SYN2: variants seen among roughly 807,000 people sequenced by gnomAD.
SYN2 encodes synapsin-2.
Under a neutral mutation model 50.9 loss-of-function variants are expected in SYN2, and 19 were observed. That is an observed-to-expected ratio of 0.37 (90% confidence interval 0.26 to 0.55). The LOEUF is 0.55. Among genes scored for constraint, SYN2 ranks in the 20% least tolerant of loss-of-function variants. SYN2 has a pLI of 0.81. For synonymous variants in SYN2, 255 were observed against 224.9 expected, an observed-to-expected ratio of 1.13 and a Z score of -1.20; for missense variants, 587 against 576.4, an observed-to-expected ratio of 1.02 and a Z score of -0.19.
At chr3:12,165,474 A>G (rs556588661) in intron 7 of SYN2, 27 of 152,224 alleles carry the variant, frequency 1.8e-4, no homozygotes, top group Non-Finnish European at 3.7e-4. Context: ...CTATAGATGA[A>G]ACAGTGTTTC....
chr3:12,024,728 A>G (rs2125137722), intron 1 of SYN2, among the ~76,000 whole-genome samples: 1 of 152,348 alleles, frequency 6.6e-6, no homozygotes, highest in South Asian at 2.1e-4. Flanking sequence ...GCTACTGTGA[A>G]TAATGGTGAT....
chr3:12,134,996 C>G (rs550968286), intron 1 of SYN2, among the ~76,000 whole-genome samples: 1 of 152,324 alleles, frequency 6.6e-6, no homozygotes, highest in East Asian at 1.9e-4. Flanking sequence ...TGACAAACCA[C>G]GGCGTTTCTT....
chr3:12,029,188 G>C (rs1226862949), intron 1 of SYN2, among the ~76,000 whole-genome samples: 2 of 123,530 alleles, frequency 1.6e-5, no homozygotes, highest in Admixed American at 1.6e-4. Flanking sequence ...GATAGTTGTA[G>C]GTATGCGGCG....
At chr3:12,173,537 G>T (rs565179981) in intron 10 of SYN2, among the ~76,000 whole-genome samples, 1 of 151,944 alleles carries the variant, frequency 6.6e-6, no homozygotes, top group Non-Finnish European at 1.5e-5. Flanking sequence ...TTTAGCCACC[G>T]TCTCCCTTTT....
intron 1 of SYN2, among the ~76,000 whole-genome samples, chr3:12,112,708 T>G (rs1696349567): frequency 6.6e-6 from 1 of 152,106 alleles, no homozygotes; most frequent in South Asian, 2.1e-4. Context: ...TCATAGCAAA[T>G]TAATAGTGAT....
At chr3:12,152,109 T>G (rs1328888979) in intron 5 of SYN2, among the ~76,000 whole-genome samples, 1 of 152,090 alleles carries the variant, frequency 6.6e-6, no homozygotes, top group South Asian at 2.1e-4. Context: ...GAACAGAGAT[T>G]ATGTTTGTGC....
At chr3:12,108,832 G>A (rs1415215976) in intron 1 of SYN2, among the ~76,000 whole-genome samples, 2 of 141,934 alleles carry the variant, frequency 1.4e-5, no homozygotes, top group African/African-American at 5.6e-5. Flanking sequence ...CATATAATCA[G>A]TTTAGGAGCC....
At chr3:12,130,878 T>A (rs1215102827) in intron 1 of SYN2, among the ~76,000 whole-genome samples, 1 of 152,188 alleles carries the variant, frequency 6.6e-6, no homozygotes, top group Non-Finnish European at 1.5e-5. Context: ...CGGACTAGGC[T>A]TCCAGAAGGA....
intron 1 of SYN2, among the ~76,000 whole-genome samples, chr3:12,073,662 A>G (rs574657556): frequency 5.9e-5 from 9 of 152,336 alleles, no homozygotes; most frequent in South Asian, 2.1e-4. Flanking sequence ...TAACCACAAG[A>G]CAGAATATTA....
intron 1 of SYN2, among the ~76,000 whole-genome samples, chr3:12,119,282 A>T (rs138996722): frequency 8.0e-4 from 121 of 151,640 alleles, no homozygotes; most frequent in Non-Finnish European, 1.3e-3. Context: ...GTGCTGCCTG[A>T]ACTATGCCTT....
chr3:12,133,007 C>T (rs1574958214), intron 1 of SYN2, among the ~76,000 whole-genome samples: 2 of 152,130 alleles, frequency 1.3e-5, no homozygotes, highest in East Asian at 3.9e-4. Context: ...CTTTTCTGCC[C>T]ACGTCCACAT....
chr3:12,151,305 C>T lies in SYN2; in HGVS notation c.753C>T (p.Tyr251=). ...AGTTCCCTCTCATTGAACAGACATA[C>T]TACCCCAACCACAAAGAGATGGTAA... ...GEKFPLIEQT[Y]YPNHKEMLTL... Residue 251 remains tyrosine, a synonymous_variant, in exon 5 of 13, where the codon TAC becomes TAT. Coordinates refer to ENST00000621198, the MANE Select transcript of SYN2 (RefSeq NM_133625.6). 6.2e-7 allele frequency: 1 copy of T among 1,613,316 alleles called. No individual in the cohort carries two copies.
intron 1 of SYN2, among the ~76,000 whole-genome samples, chr3:12,079,323 A>C (rs914595165): frequency 3.9e-5 from 6 of 152,168 alleles, no homozygotes; most frequent in Admixed American, 2.6e-4. Context: ...CCCTGGCCAG[A>C]ACTTTCAATA....
At chr3:12,037,754 A>G (rs1028150266) in intron 1 of SYN2, among the ~76,000 whole-genome samples, 7 of 152,202 alleles carry the variant, frequency 4.6e-5, no homozygotes, top group East Asian at 3.8e-4. Context: ...CACTGTTGCA[A>G]TGGGGATTAA....
chr3:12,162,596 T>C (rs1697680460), intron 7 of SYN2, among the ~76,000 whole-genome samples: 2 of 152,240 alleles, frequency 1.3e-5, no homozygotes. Context: ...TTAATATTTT[T>C]GATAACTCTA....
At chr3:12,158,473 C>T (rs894806701) in intron 5 of SYN2, among the ~76,000 whole-genome samples, 8 of 152,122 alleles carry the variant, frequency 5.3e-5, no homozygotes, top group East Asian at 1.9e-4. Flanking sequence ...TGAGGGAGGT[C>T]GCTATGGAAG....
chr3:12,073,496 T>C (rs1695407135), intron 1 of SYN2, among the ~76,000 whole-genome samples: 1 of 152,322 alleles, frequency 6.6e-6, no homozygotes, highest in Middle Eastern at 3.4e-3. Context: ...TTCTCCAGTA[T>C]CCACAGTTTT....
intron 1 of SYN2, among the ~76,000 whole-genome samples, chr3:12,029,892 TG>T (rs1694345686): frequency 3.2e-5 from 3 of 93,032 alleles, no homozygotes; most frequent in African/African-American, 6.0e-5. Flanking sequence ...CTGATTGCCC[TG>T]GCCAGAACTT....
intron 1 of SYN2, among the ~76,000 whole-genome samples, chr3:12,103,621 A>G (rs1395964792): frequency 6.6e-6 from 1 of 152,186 alleles, no homozygotes; most frequent in Non-Finnish European, 1.5e-5. Context: ...TTAAAGATTG[A>G]GAAACCCGCT....
Sources: gnomAD v4.1 joint callset for allele counts (sites outside exome capture counted in the v4.1 genomes callset) on GRCh38, gnomAD v4.1.1 for gene constraint, MANE v1.5 for transcripts, NCBI Gene and HGNC (gene_info 2026-07-23, HGNC 2026-07-21) for gene names.